Variants in ANXA11 observed in about 807,000 individuals in gnomAD.
The protein encoded by ANXA11 is annexin A11.
In ANXA11, 57 loss-of-function variants were observed where a neutral mutation model predicts 64.7. That is an observed-to-expected ratio of 0.88 (90% CI 0.71 to 1.10). The LOEUF (loss-of-function observed/expected upper bound fraction) is 1.10. ANXA11 is among the 50% of genes least tolerant of loss of function. The probability of loss-of-function intolerance (pLI) is 0.00; values close to 1 mark genes in which losing one functional copy is unlikely to be tolerated. For synonymous variants in ANXA11, 260 were observed against 265.2 expected (o/e 0.98, Z 0.19); for missense variants, 675 against 670.7 (o/e 1.01, Z -0.07).
At chr10:80,169,460 C>T (rs111575457) in intron 4 of ANXA11, 102 bp from the exon 5 acceptor site, 94 of 1,359,428 alleles carry the variant, frequency 6.9e-5, no homozygotes, top group African/African-American at 4.1e-4. Context: ...ACAGCATCTC[C>T]GCTTGTGGAA....
Position 80,159,214 on chromosome 10 carries a change from C to G in ANXA11, c.1181-19G>C. ...TTGAAAACTATGGGGATGACAGAGG[C>G]TTATATTATGAACTGAAATGTGTCT... On this transcript the variant is annotated intron_variant, in intron 12 of 15. Coordinates refer to ENST00000422982, the MANE Select transcript of ANXA11 (RefSeq NM_145868.2). 1 of 1,601,220 alleles carries G rather than the reference C, an allele frequency of 6.2e-7. No homozygotes were observed. The highest frequency in any genetic ancestry group is 8.6e-7 in the Non-Finnish European group (1 of 1,168,422).
chr10:80,163,065 C>T (rs1003012806), intron 11 of ANXA11, among the ~76,000 whole-genome samples: 3 of 152,126 alleles, frequency 2.0e-5, no homozygotes, highest in Non-Finnish European at 4.4e-5. Flanking sequence ...GGGGAAAGTA[C>T]GCTGTCACAC....
At chr10:80,192,169 A>G (rs1846806421) in intron 1 of ANXA11, among the ~76,000 whole-genome samples, 1 of 152,238 alleles carries the variant, frequency 6.6e-6, no homozygotes, top group East Asian at 1.9e-4. Context: ...CAGCAGGTAC[A>G]GTGGGAAGAC....
chr10:80,197,943 C>CA (rs1840246691), intron 1 of ANXA11, among the ~76,000 whole-genome samples: 1 of 152,022 alleles, frequency 6.6e-6, no homozygotes, highest in Admixed American at 6.6e-5. Context: ...AAAATAACCC[C>CA]TATCCCACTG....
intron 1 of ANXA11, among the ~76,000 whole-genome samples, chr10:80,185,675 C>G (rs773176194): frequency 3.9e-5 from 6 of 152,202 alleles, no homozygotes; most frequent in Non-Finnish European, 8.8e-5. Context: ...TTATAACAAC[C>G]CTATGAGGCA....
At chr10:80,159,255 G>T in intron 12 of ANXA11, 60 bp from the exon 13 acceptor site, 1 of 1,387,040 alleles carries the variant, frequency 7.2e-7, no homozygotes, top group Non-Finnish European at 1.0e-6. Flanking sequence ...AAGTTCATAT[G>T]TGGAAGTCCC....
chr10:80,167,645 G>A (rs1845801142), intron 5 of ANXA11, among the ~76,000 whole-genome samples: 1 of 152,222 alleles, frequency 6.6e-6, no homozygotes, highest in African/African-American at 2.4e-5. Context: ...GGGAGCAGGG[G>A]CTGTGGCCTC....
At chr10:80,159,435 A>C (rs1845416806) in intron 12 of ANXA11, among the ~76,000 whole-genome samples, 1 of 152,234 alleles carries the variant, frequency 6.6e-6, no homozygotes, top group Admixed American at 6.5e-5. Flanking sequence ...CATGCAGAGG[A>C]AAGACCATGT....
intron 4 of ANXA11, 95 bp downstream of exon 4, chr10:80,170,705 T>G (rs2789689): frequency 1.0e-6 from 1 of 993,972 alleles, no homozygotes; most frequent in African/African-American, 1.7e-5. Flanking sequence ...AACACACACA[T>G]AGACAACTCT....
chr10:80,163,954 G>T, intron 9 of ANXA11, 99 bp downstream of exon 9: 2 of 1,030,880 alleles, frequency 1.9e-6, no homozygotes, highest in East Asian at 2.4e-5. Flanking sequence ...AAGAAGGCCA[G>T]GAAGGAGTAA....
Position 80,167,432 on chromosome 10 carries a change from G to T in ANXA11, c.562-119C>A, listed in dbSNP as rs1467426013. On this transcript the variant is annotated intron_variant, in intron 5 of 15. Transcript: ENST00000422982. Reference sequence around the variant, plus strand: ...TCTCTAAGAGTTGGAGTATCTAAAGGAGTCCACAGTCAACAATGCAGAGGA... The same window carrying T: ...TCTCTAAGAGTTGGAGTATCTAAAGTAGTCCACAGTCAACAATGCAGAGGA... 12 of 830,140 alleles carry T rather than the reference G, an allele frequency of 1.4e-5. No individual in the cohort carries two copies. In the Admixed American group the frequency reaches 2.2e-4, roughly 15 times the overall value. The allele number at this position is 830,140 out of a possible 1,614,324, so 51.4% of individuals were successfully genotyped here. A position where few individuals can be genotyped will look rare whatever the true frequency, so the allele number is the denominator to read the frequency against.
At chr10:80,181,318 A>T (rs1280049845) in intron 1 of ANXA11, 1 of 152,056 alleles carries the variant, frequency 6.6e-6, no homozygotes, top group Non-Finnish European at 1.5e-5. Flanking sequence ...TTAGCCGAGC[A>T]CCATGGCATG....
At chr10:80,192,548 G>A (rs1049396488) in intron 1 of ANXA11, among the ~76,000 whole-genome samples, 3 of 152,224 alleles carry the variant, frequency 2.0e-5, no homozygotes, top group Non-Finnish European at 2.9e-5. Flanking sequence ...AGAGACGGAA[G>A]AGAAAATGTT....
intron 1 of ANXA11, among the ~76,000 whole-genome samples, chr10:80,182,128 G>A (rs1434193579): frequency 2.0e-5 from 3 of 151,884 alleles, no homozygotes; most frequent in Non-Finnish European, 4.4e-5. Flanking sequence ...GAGGTCAGGG[G>A]AGGAAAGAAT....
chr10:80,188,478 C>CATATATAT, intron 1 of ANXA11, among the ~76,000 whole-genome samples: 1 of 75,424 alleles, frequency 1.3e-5, no homozygotes, highest in East Asian at 4.8e-4. Flanking sequence ...GTAGTATTCT[C>CATATATAT]ACATATATAT....
At chr10:80,162,150 C>T (rs916153084) in intron 11 of ANXA11, 122 bp from the exon 12 acceptor site, 3 of 757,156 alleles carry the variant, frequency 4.0e-6, no homozygotes, top group African/African-American at 3.5e-5. Flanking sequence ...AATTTGCAAC[C>T]TCTGAACTAG....
intron 5 of ANXA11, among the ~76,000 whole-genome samples, chr10:80,168,600 C>T (rs1352045430): frequency 1.3e-5 from 2 of 152,152 alleles, no homozygotes; most frequent in Non-Finnish European, 2.9e-5. Flanking sequence ...GCGGCATGAT[C>T]CCGGCTCACT....
At position 80,155,516 on chromosome 10, in the gene ANXA11, T is replaced by C. The variant is rs1845241691; in HGVS notation, c.*337A>G. ...GCAATGACTGTAAGAAAAGAAAATA[T>C]GCCTCCAAATAAAAATATACAATTA... On this transcript the variant is annotated 3_prime_UTR_variant, in exon 16 of 16. Coordinates refer to ENST00000422982, the MANE Select transcript of ANXA11 (RefSeq NM_145868.2). 1 of 302,976 alleles carries C rather than the reference T, an allele frequency of 3.3e-6. No homozygotes were observed. Among genetic ancestry groups the C allele is most frequent in the Non-Finnish European group, 6.2e-6 (1 of 162,324 alleles). 18.8% of individuals were successfully genotyped at this position (302,976 alleles called of 1,614,324 possible).
At chr10:80,189,469 G>A (rs7068933) in intron 1 of ANXA11, among the ~76,000 whole-genome samples, 11,282 of 152,248 alleles carry the variant, frequency 0.074, 651 homozygotes, top group African/African-American at 0.14. Flanking sequence ...AAACAGTATG[G>A]AGATTCCTCA....
Sources: gnomAD v4.1 joint callset for allele counts (sites outside exome capture counted in the v4.1 genomes callset) on GRCh38, gnomAD v4.1.1 for gene constraint, MANE v1.5 for transcripts, NCBI Gene and HGNC (gene_info 2026-07-23, HGNC 2026-07-21) for gene names.